Variants in PSMG2 observed in about 807,000 individuals in gnomAD.
PSMG2 encodes CD40 ligand-activated specific transcript 3.
Under a neutral mutation model 31.5 loss-of-function variants are expected in PSMG2, and 21 were observed. The observed-to-expected ratio is 0.67, with a 90% CI of 0.47 to 0.96. PSMG2 has a LOEUF of 0.96. Ranked by LOEUF, PSMG2 falls within the 40% of genes least tolerant of loss-of-function variation. The probability of loss-of-function intolerance (pLI) is 0.00; values close to 1 mark genes in which losing one functional copy is unlikely to be tolerated. For missense variants in PSMG2, 318 were observed against 321.2 expected, an observed-to-expected ratio of 0.99 and a Z score of 0.08; for synonymous variants, 120 against 110.4, an observed-to-expected ratio of 1.09 and a Z score of -0.54.
intron 1 of PSMG2, among the ~76,000 whole-genome samples, chr18:12,675,101 C>T (rs962527560): frequency 6.1e-5 from 7 of 115,620 alleles, no homozygotes; most frequent in Admixed American, 5.8e-4. Context: ...TTTTACTTAA[C>T]TTTAAAGAGT....
At chr18:12,698,231 CATTT>C (rs1034936117), upstream of PSMG2, among the ~76,000 whole-genome samples, 3 of 150,990 alleles carry the variant, frequency 2.0e-5, no homozygotes, top group Non-Finnish European at 4.4e-5. Context: ...AATATTTATT[CATTT>C]ATTTATTTAT....
At chr18:12,720,398 A>C (rs748650216) in intron 4 of PSMG2, 112 bp from the exon 5 acceptor site, 1 of 831,470 alleles carries the variant, frequency 1.2e-6, no homozygotes, top group Non-Finnish European at 1.8e-6. Context: ...AAGTCTGCTG[A>C]AACTTGTGTT....
intron 1 of PSMG2, chr18:12,697,297 TATG>T (rs1296816910): frequency 6.8e-6 from 11 of 1,613,840 alleles, no homozygotes; most frequent in Non-Finnish European, 9.3e-6. Flanking sequence ...TTCCAGAAAA[TATG>T]ATGCTACTAA....
At chr18:12,678,584 C>T in intron 1 of PSMG2, 1 of 598,196 alleles carries the variant, frequency 1.7e-6, no homozygotes, top group Non-Finnish European at 2.8e-6. Context: ...TTTATATTTC[C>T]ACAATTTGAT....
At chr18:12,684,502 T>TG (rs2039469256) in intron 1 of PSMG2, 2 of 150,402 alleles carry the variant, frequency 1.3e-5, no homozygotes, top group South Asian at 4.2e-4. Context: ...TTTTTTGAGA[T>TG]GGAGTTTTGC....
intron 1 of PSMG2, among the ~76,000 whole-genome samples, chr18:12,661,647 T>A (rs2038696760): frequency 6.7e-6 from 1 of 150,066 alleles, no homozygotes; most frequent in South Asian, 2.1e-4. Flanking sequence ...TGGTGATGCA[T>A]GCCTGTAATC....
intron 2 of PSMG2, among the ~76,000 whole-genome samples, chr18:12,709,569 G>A (rs2040308239): frequency 6.6e-6 from 1 of 151,484 alleles, no homozygotes; most frequent in South Asian, 2.1e-4. Flanking sequence ...CACGATTTTG[G>A]TTCACTGCAA....
At chr18:12,724,944 A>C (rs2040462951) in intron 6 of PSMG2, 7 of 356,464 alleles carry the variant, frequency 2.0e-5, no homozygotes, top group South Asian at 2.4e-4. Flanking sequence ...GAATTTTTTT[A>C]GGGAAGTAAA....
At chr18:12,679,575 C>T (rs1337049612) in intron 1 of PSMG2, among the ~76,000 whole-genome samples, 1 of 152,156 alleles carries the variant, frequency 6.6e-6, no homozygotes, top group Admixed American at 6.6e-5. Flanking sequence ...GGACTCAGCT[C>T]TTAGCTGAAC....
chr18:12,671,338 A>G (rs778728709), intron 1 of PSMG2, among the ~76,000 whole-genome samples: 8 of 152,198 alleles, frequency 5.3e-5, no homozygotes, highest in Non-Finnish European at 1.0e-4. Context: ...AAAAGAATTA[A>G]TAACTTGGAT....
intron 1 of PSMG2, among the ~76,000 whole-genome samples, chr18:12,667,571 C>G (rs1031583308): frequency 6.6e-6 from 1 of 151,524 alleles, no homozygotes; most frequent in Non-Finnish European, 1.5e-5. Flanking sequence ...ACCAGCCTGG[C>G]CAACATGGTG....
At chr18:12,683,885 G>A (rs2039442907) in intron 1 of PSMG2, among the ~76,000 whole-genome samples, 1 of 151,542 alleles carries the variant, frequency 6.6e-6, no homozygotes, top group Admixed American at 6.6e-5. Flanking sequence ...TACATATACA[G>A]CAGAAAAAAT....
intron 1 of PSMG2, among the ~76,000 whole-genome samples, chr18:12,705,045 G>C (rs2040250345): frequency 6.6e-6 from 1 of 152,064 alleles, no homozygotes; most frequent in South Asian, 2.1e-4. Flanking sequence ...AAGAAGTTTA[G>C]GTAGATTGAA....
chr18:12,682,120 C>T (rs1369473588), intron 1 of PSMG2, among the ~76,000 whole-genome samples: 1 of 151,940 alleles, frequency 6.6e-6, no homozygotes, highest in Non-Finnish European at 1.5e-5. Flanking sequence ...CACGCGAAAG[C>T]AAAAATAACT....
Position 12,706,544 on chromosome 18 carries a change from T to G in PSMG2, c.58-6T>G. The G allele has an allele frequency of 6.2e-7, 1 of 1,612,738 alleles. No homozygotes were observed. The highest frequency in any genetic ancestry group is 1.1e-5 in the South Asian group (1 of 90,490). Reference sequence around the variant, plus strand: ...GACTTACTGAACATATCTTTTATAATTTCAGCCAGCAGTATCTGTTGGAAA... The same window carrying G: ...GACTTACTGAACATATCTTTTATAAGTTCAGCCAGCAGTATCTGTTGGAAA... On this transcript the variant is annotated splice_region_variant and splice_polypyrimidine_tract_variant and intron_variant, in intron 1 of 6. Coordinates refer to ENST00000317615, the MANE Select transcript of PSMG2 (RefSeq NM_020232.5).
intron 1 of PSMG2, chr18:12,697,202 A>G (rs781370326): frequency 6.6e-7 from 1 of 1,525,984 alleles, no homozygotes; most frequent in African/African-American, 1.4e-5. Context: ...AAGGTTAACA[A>G]TGATATATTA....
At chr18:12,712,857 C>A (rs533879164) in intron 3 of PSMG2, 97 bp downstream of exon 3, 6 of 894,032 alleles carry the variant, frequency 6.7e-6, no homozygotes, top group Non-Finnish European at 1.1e-5. Flanking sequence ...CTGTTTTTAC[C>A]ATATGTACAG....
chr18:12,670,808 C>G (rs1240641384), intron 1 of PSMG2: 1 of 151,996 alleles, frequency 6.6e-6, no homozygotes, highest in Non-Finnish European at 1.5e-5. Context: ...CGATCACGCC[C>G]TGCTAATTTT....
chr18:12,703,657 G>C (rs1202900539), intron 1 of PSMG2, among the ~76,000 whole-genome samples: 19 of 152,190 alleles, frequency 1.2e-4, no homozygotes, highest in Admixed American at 1.2e-3. Flanking sequence ...AATAAGACTA[G>C]GTGCGTGCCC....
Sources: gnomAD v4.1 joint callset for allele counts (sites outside exome capture counted in the v4.1 genomes callset) on GRCh38, gnomAD v4.1.1 for gene constraint, MANE v1.5 for transcripts, NCBI Gene and HGNC (gene_info 2026-07-23, HGNC 2026-07-21) for gene names.